The following ACER1 variants were observed in gnomAD, a reference collection of about 807,000 sequenced individuals.
ACER1 encodes alkaline ceramidase 1.
Under a neutral mutation model 24.9 loss-of-function variants are expected in ACER1, and 28 were observed. That is an observed-to-expected ratio of 1.13 (90% CI 0.83 to 1.54). ACER1 has a LOEUF of 1.54. Among genes scored for constraint, ACER1 ranks in the 40% most tolerant of loss-of-function variants. ACER1 has a pLI of 0.00. For missense variants in ACER1, 352 were observed against 349.3 expected (o/e 1.01, Z -0.06); for synonymous variants, 132 against 131.4 (o/e 1.00, Z -0.03).
the ACER1 span, among the ~76,000 whole-genome samples, chr19:6,340,483 G>A: frequency 6.6e-6 from 1 of 152,094 alleles, no homozygotes; most frequent in African/African-American, 2.4e-5. Flanking sequence ...TGGACCAGGA[G>A]GGCAAACAGA....
chr19:6,341,309 CA>C, the ACER1 span, among the ~76,000 whole-genome samples: 10 of 148,982 alleles, frequency 6.7e-5, no homozygotes, highest in East Asian at 1.9e-3. Context: ...GACTCCATCT[CA>C]AAAAAAACAA....
the ACER1 span, among the ~76,000 whole-genome samples, chr19:6,354,698 T>C: frequency 1.3e-5 from 2 of 152,106 alleles, no homozygotes; most frequent in Admixed American, 1.3e-4. Context: ...GGCAGGAGGA[T>C]TGCTCAAGCT....
At chr19:6,324,002 C>A (rs979961387) in intron 1 of ACER1, among the ~76,000 whole-genome samples, 3 of 152,218 alleles carry the variant, frequency 2.0e-5, no homozygotes, top group African/African-American at 7.2e-5. Flanking sequence ...TGCAGACTAT[C>A]TCCCCTCCAC....
chr19:6,332,878 A>G (rs985092760), intron 1 of ACER1, among the ~76,000 whole-genome samples: 12 of 152,056 alleles, frequency 7.9e-5, no homozygotes, highest in Admixed American at 7.9e-4. Flanking sequence ...CACGTTGCCC[A>G]GGGCGATCTC....
intron 3 of ACER1, among the ~76,000 whole-genome samples, chr19:6,310,163 C>T (rs918395671): frequency 1.4e-4 from 22 of 152,122 alleles, no homozygotes; most frequent in Non-Finnish European, 2.8e-4. Context: ...TCTGGGCTCG[C>T]TGCAAGCTCC....
upstream of ACER1, among the ~76,000 whole-genome samples, chr19:6,334,994 T>C (rs914569796): frequency 2.7e-5 from 4 of 147,514 alleles, no homozygotes; most frequent in African/African-American, 7.4e-5. Context: ...TAGCAAGCGG[T>C]TAGCAAGTGT....
chr19:6,311,222 G>A (rs1305315654), intron 3 of ACER1, among the ~76,000 whole-genome samples: 1 of 151,754 alleles, frequency 6.6e-6, no homozygotes, highest in Non-Finnish European at 1.5e-5. Context: ...CAATAGGGTG[G>A]GCTGGGGGGG....
chr19:6,337,574 C>T (rs1333088386), upstream of ACER1, among the ~76,000 whole-genome samples: 1 of 149,058 alleles, frequency 6.7e-6, no homozygotes, highest in Admixed American at 6.7e-5. Context: ...TTGCCTGAGC[C>T]TTCTGAGTAG....
At position 6,312,394 on chromosome 19, in the gene ACER1, T is replaced by A; in HGVS notation, c.199A>T (p.Met67Leu). Residue 67 changes from methionine (M) to leucine (L), a missense_variant, in exon 2 of 6, where the codon ATG (methionine) becomes TTG (leucine). Coordinates refer to ENST00000301452, the MANE Select transcript of ACER1 (RefSeq NM_133492.3). ...RYIYVVWVLF[M>L]IIGLFSMYFH... is the part of the protein sequence containing the mutation. ...AACCACACCTCCCTACCTATGATCA[T>A]GAAGAGGACCCAGACAACGTAAATG... 1 of 1,613,856 alleles carries A rather than the reference T, an allele frequency of 6.2e-7. No individual in the cohort carries two copies. The highest frequency in any genetic ancestry group is 8.5e-7 in the Non-Finnish European group (1 of 1,179,984).
chr19:6,334,166 T>G (rs2145023046), upstream of ACER1, among the ~76,000 whole-genome samples: 1 of 151,572 alleles, frequency 6.6e-6, no homozygotes, highest in East Asian at 2.0e-4. Flanking sequence ...CGCCTCAGCC[T>G]CCCGAGTAGC....
chr19:6,347,099 A>G, the ACER1 span, among the ~76,000 whole-genome samples: 1 of 78,394 alleles, frequency 1.3e-5, no homozygotes, highest in Non-Finnish European at 2.2e-5. Context: ...CTGTCTCTAC[A>G]AAAAAAAAAA....
At chr19:6,309,984 G>T in intron 3 of ACER1, 150 bp from the exon 4 acceptor site, 1 of 956,480 alleles carries the variant, frequency 1.0e-6, no homozygotes, top group Non-Finnish European at 1.5e-6. Flanking sequence ...TAGCCAGGCA[G>T]GGCACGGTGG....
the ACER1 span, among the ~76,000 whole-genome samples, chr19:6,357,162 A>G: frequency 0.058 from 8,772 of 150,354 alleles, 363 homozygotes; most frequent in African/African-American, 0.12. Context: ...CTCCTGCCTC[A>G]GTCTCTCCCA....
chr19:6,345,106 G>T, the ACER1 span, among the ~76,000 whole-genome samples: 2 of 151,940 alleles, frequency 1.3e-5, no homozygotes, highest in Non-Finnish European at 2.9e-5. Flanking sequence ...GCTGGTCAAG[G>T]CTGGTCTCAA....
At chr19:6,334,992 G>A (rs568142249), upstream of ACER1, among the ~76,000 whole-genome samples, 30 of 146,280 alleles carry the variant, frequency 2.1e-4, no homozygotes, top group South Asian at 5.3e-3. Flanking sequence ...CTTAGCAAGC[G>A]GTTAGCAAGT....
chr19:6,342,939 G>T, the ACER1 span, among the ~76,000 whole-genome samples: 1 of 151,712 alleles, frequency 6.6e-6, no homozygotes, highest in Non-Finnish European at 1.5e-5. Flanking sequence ...CACTGTGCCC[G>T]GCTAATTTTG....
intron 1 of ACER1, among the ~76,000 whole-genome samples, chr19:6,325,076 G>C (rs918156208): frequency 5.9e-5 from 9 of 152,068 alleles, no homozygotes; most frequent in Non-Finnish European, 1.3e-4. Flanking sequence ...TTCTGTTCCT[G>C]TTGGATGACC....
At chr19:6,347,980 G>A in the ACER1 span, among the ~76,000 whole-genome samples, 1 of 150,864 alleles carries the variant, frequency 6.6e-6, no homozygotes, top group African/African-American at 2.4e-5. Flanking sequence ...ATCACCTGAG[G>A]TTGGGAGTTT....
In ACER1 at chr19:6,312,275, T is replaced by C; in HGVS notation, c.224A>G (p.Tyr75Cys). The change falls in exon 3 of 6, where the codon TAT (tyrosine) becomes TGT (cysteine). Residue 75 changes from tyrosine (Y) to cysteine (C), a missense_variant. By Grantham distance (194) the Tyr-to-Cys change is radical. Coordinates refer to ENST00000301452, the MANE Select transcript of ACER1 (RefSeq NM_133492.3). ...CAGGAAGCTGAGCGTCATGTGGAAA[T>C]ACATGGAGAACAGGCCTGCAGCGGC... ...LFMIIGLFSM[Y>C]FHMTLSFLGQ... The C allele has an allele frequency of 6.2e-7, 1 of 1,613,948 alleles. No homozygotes were observed. The highest frequency in any genetic ancestry group is 8.5e-7 in the Non-Finnish European group (1 of 1,179,970).
Sources: allele counts gnomAD v4.1 joint callset (sites outside exome capture counted in the v4.1 genomes callset), GRCh38; gene constraint gnomAD v4.1.1; transcripts MANE v1.5; gene names NCBI Gene and HGNC (gene_info 2026-07-23, HGNC 2026-07-21).